Variants in SYT8 observed in about 807,000 individuals in gnomAD.
SYT8 encodes the protein synaptotagmin-8.
In SYT8, 50 loss-of-function variants were observed where a neutral mutation model predicts 34.9. The observed-to-expected ratio is 1.43, with a 90% confidence interval of 1.14 to 1.81. The LOEUF is 1.81. Among genes scored for constraint, SYT8 ranks in the 40% most tolerant of loss-of-function variants. SYT8 has a pLI of 0.00. For synonymous variants in SYT8, 255 were observed against 234.2 expected (o/e 1.09, Z -0.81); for missense variants, 595 against 529.0 (o/e 1.12, Z -1.22).
Position 1,837,475 on chromosome 11 carries a change from C to T in SYT8, c.*44C>T. 6.3e-7 allele frequency: 1 copy of T among 1,591,096 alleles called. No individual in the cohort carries two copies. The highest frequency in any genetic ancestry group is 2.2e-5 in the East Asian group (1 of 44,470). The stretch of plus-strand genomic sequence containing the variant: ...TCTCCCCGCTGAGCCCAGGCACTTG[C>T]CCAGGCCGCCCTGCAGGACCACTGC... On this transcript the variant is annotated 3_prime_UTR_variant, in exon 8 of 8. Transcript: ENST00000341958.
chr11:1,835,299 C>A lies in SYT8; in HGVS notation c.98C>A (p.Pro33His). The A allele has an allele frequency of 1.3e-6, 2 of 1,599,304 alleles. No individual in the cohort carries two copies. The highest frequency in any genetic ancestry group is 2.2e-5 in the South Asian group (2 of 90,022). Residue 33 changes from proline (P) to histidine (H), a missense_variant, in exon 2 of 8, where the codon CCC (proline) becomes CAC (histidine). Transcript: ENST00000341958. ...IPDLVAGTPW[P>H]RWALIAGALA... Reference sequence around the variant, plus strand: ...CTCAGCCTGGCCTCTACCCCAGGGCCCCGCTGGGCTCTCATTGCCGGCGCC... The same window carrying A: ...CTCAGCCTGGCCTCTACCCCAGGGCACCGCTGGGCTCTCATTGCCGGCGCC...
At chr11:1,836,040 C>CG (rs1204050634) in intron 3 of SYT8, 56 bp downstream of exon 3, 1 of 1,584,860 alleles carries the variant, frequency 6.3e-7, no homozygotes, top group East Asian at 2.3e-5. Context: ...GAAAGGGTGA[C>CG]GGGGGAAGGG....
upstream of SYT8, chr11:1,833,815 CGT>C (rs3837417): frequency 0.21 from 30,066 of 141,352 alleles, 3,346 homozygotes; most frequent in Non-Finnish European, 0.26. Context: ...TGTGCGCGTG[CGT>C]GTGTGTGTGT....
Position 1,837,376 on chromosome 11 carries a change from G to A in SYT8, c.1109G>A (p.Arg370His), listed in dbSNP as rs1381091834. 16 of 1,599,120 alleles carry A rather than the reference G, an allele frequency of 1.0e-5. No individual in the cohort carries two copies. The Admixed American group carries it at 1.5e-4, about 15-fold the overall frequency. Residue 370 changes from arginine to histidine, a missense_variant, in exon 8 of 8, where the codon CGC becomes CAC. Arg to His is a conservative substitution (Grantham distance 29). Transcript: ENST00000341958. Reference protein sequence around the residue: ...HPLRPAREVDRMLALQPRLRL... With the variant: ...HPLRPAREVDHMLALQPRLRL... ...CTGCGGCCAGCCAGGGAGGTGGACC[G>A]CATGCTGGCCCTGCAGCCCCGCCTT...
chr11:1,835,477 G>T lies in SYT8; in HGVS notation c.258+18G>T. Reference sequence around the variant, plus strand: ...CCCACCTGGTGAGGAGCGGCTCCTTGCTCACTCAGTCCAGAGAGGGCTTGA... The same window carrying T: ...CCCACCTGGTGAGGAGCGGCTCCTTTCTCACTCAGTCCAGAGAGGGCTTGA... On this transcript the variant is annotated intron_variant, in intron 2 of 7. Coordinates refer to ENST00000341958, the MANE Select transcript of SYT8 (RefSeq NM_001394072.1). 1 of 1,607,618 alleles carries T rather than the reference G, an allele frequency of 6.2e-7. No individual in the cohort carries two copies.
chr11:1,836,333 T>C (rs1470894503), intron 4 of SYT8, 49 bp downstream of exon 4: 1 of 1,466,674 alleles, frequency 6.8e-7, no homozygotes, highest in South Asian at 1.4e-5. Context: ...TGGATGGGCC[T>C]GGGCTGGGTG....
Position 1,836,842 on chromosome 11 carries a change from C to A in SYT8, c.771C>A (p.Gly257=). 6.2e-7 allele frequency: 1 copy of A among 1,611,806 alleles called. No individual in the cohort carries two copies. Among genetic ancestry groups the A allele is most frequent in the Non-Finnish European group, 8.5e-7 (1 of 1,179,952 alleles). Residue 257 remains glycine, a synonymous_variant, in exon 6 of 8, where the codon GGC becomes GGA. Coordinates refer to ENST00000341958, the MANE Select transcript of SYT8 (RefSeq NM_001394072.1). ...CCGTGGTGGTGCTGGAGGCTCGAGG[C>A]CTGCGTCCAGGACTTGCAGGTGAGG... ...RLTVVVLEAR[G]LRPGLAEPYV...
Position 1,836,253 on chromosome 11 carries a change from GC to G in SYT8, c.489del (p.Val164CysfsTer85). 1 of 1,576,416 alleles carries G rather than the reference GC, an allele frequency of 6.3e-7. No individual in the cohort carries two copies. The highest frequency in any genetic ancestry group is 8.6e-7 in the Non-Finnish European group (1 of 1,163,926). ...ACAAAAGTGCACCGAGGCACGCTCTGCCCCGTGTTTGACGAGACCTGCTGCT... is the reference window on the plus strand; with the variant it reads ...ACAAAAGTGCACCGAGGCACGCTCTGCCCGTGTTTGACGAGACCTGCTGCT... Reference protein sequence around the residue: ...HETKVHRGTLCPVFDETCCFH... With the variant: ...HETKVHRGTLXPVFDETCCFH... On this transcript the variant is annotated frameshift_variant, in exon 4 of 8. Coordinates refer to ENST00000341958, the MANE Select transcript of SYT8 (RefSeq NM_001394072.1). LOFTEE classifies it high-confidence loss of function.
rs201288743 is a variant in SYT8, at chr11:1,837,408, C to A, written c.1141C>A (p.Arg381Ser). 3.7e-6 allele frequency: 6 copies of A among 1,605,190 alleles called. No homozygotes were observed. The Admixed American group carries it at 1.0e-4, about 27-fold the overall frequency. ...MLALQPRLRL[R>S]LPLPHS ...GGCCCTGCAGCCCCGCCTTCGCCTG[C>A]GCCTGCCCTTGCCCCACTCCTGAAT... Residue 381 changes from arginine (R) to serine (S), a missense_variant, in exon 8 of 8, where the codon CGC (arginine) becomes AGC (serine). Transcript: ENST00000341958.
chr11:1,833,438 G>C (rs1358775735), upstream of SYT8, among the ~76,000 whole-genome samples: 1 of 152,208 alleles, frequency 6.6e-6, no homozygotes, highest in Non-Finnish European at 1.5e-5. Context: ...ACCAAGCAGG[G>C]ACCCCTCTGA....
upstream of SYT8, chr11:1,834,319 C>A: frequency 5.5e-6 from 3 of 543,106 alleles, no homozygotes; most frequent in Admixed American, 3.6e-5. The surrounding 1 kb of genome is among the most constrained non-coding windows in gnomAD (Gnocchi z 4.5). Context: ...GGTGGCCAGG[C>A]AGGCAGGTGG....
Position 1,836,971 on chromosome 11 carries a change from GT to G in SYT8, c.806del (p.Val269AlafsTer5), listed in dbSNP as rs1468185820. 2 of 1,613,716 alleles carry G rather than the reference GT, an allele frequency of 1.2e-6. No individual in the cohort carries two copies. The highest frequency in any genetic ancestry group is 1.7e-6 in the Non-Finnish European group (2 of 1,180,028). ...RPGLAEPYVKVQLMLNQRKWK... is the reference protein window; with the variant it reads ...RPGLAEPYVKXQLMLNQRKWK... ...TGCCCTCCCAGAGCCCTACGTGAAGGTCCAGCTCATGCTGAACCAGAGGAAG... is the reference window on the plus strand; with the variant it reads ...TGCCCTCCCAGAGCCCTACGTGAAGGCCAGCTCATGCTGAACCAGAGGAAG... On this transcript the variant is annotated frameshift_variant, in exon 7 of 8. Coordinates refer to ENST00000341958, the MANE Select transcript of SYT8 (RefSeq NM_001394072.1). LOFTEE classifies it high-confidence loss of function.
chr11:1,837,437 C>T lies in SYT8; in HGVS notation c.*6C>T. On this transcript the variant is annotated 3_prime_UTR_variant, in exon 8 of 8. Transcript: ENST00000341958. ...TGCCCTTGCCCCACTCCTGAATGCA[C>T]CACATGCCTCTGTCTCCCCGCTGAG... The T allele has an allele frequency of 6.2e-7, 1 of 1,604,970 alleles. No homozygotes were observed. The highest frequency in any genetic ancestry group is 2.2e-5 in the East Asian group (1 of 44,810).
chr11:1,835,776 C>A, intron 2 of SYT8, 110 bp from the exon 3 acceptor site: 1 of 974,252 alleles, frequency 1.0e-6, no homozygotes, highest in Non-Finnish European at 1.6e-6. Context: ...GGTGGCCTGG[C>A]CTGGAGGCGG....
upstream of SYT8, chr11:1,834,944 C>G: frequency 1.4e-6 from 1 of 700,508 alleles, no homozygotes; most frequent in Non-Finnish European, 2.4e-6. This position sits in a 1 kb window ranked among gnomAD's most constrained non-coding sequence, Gnocchi z 4.5. Context: ...TCCTGCTGCA[C>G]AGAACCCTCG....
Position 1,835,361 on chromosome 11 carries a change from T to C in SYT8, c.160T>C (p.Cys54Arg), listed in dbSNP as rs372163157. 1.9e-6 allele frequency: 3 copies of C among 1,606,336 alleles called. No individual in the cohort carries two copies. Among genetic ancestry groups the C allele is most frequent in the African/African-American group, 2.7e-5 (2 of 74,908 alleles). Residue 54 changes from cysteine (C) to arginine (R), a missense_variant, in exon 2 of 8, where the codon TGT (cysteine) becomes CGT (arginine). Transcript: ENST00000341958. ...AGVLLVSCLL[C>R]AACCCCRRHR... ...CGTCCTCCTCGTCTCCTGCCTCCTC[T>C]GTGCTGCCTGCTGCTGCTGCCGCCG...
rs746987179 is a variant in SYT8, at chr11:1,836,196, G to T, written c.428G>T (p.Ser143Ile). 16 of 1,582,244 alleles carry T rather than the reference G, an allele frequency of 1.0e-5. No homozygotes were observed. The highest frequency in any genetic ancestry group is 1.3e-5 in the Non-Finnish European group (15 of 1,165,958). The change falls in exon 4 of 8, where the codon AGC becomes ATC. Residue 143 changes from serine (S) to isoleucine (I), a missense_variant. Physicochemically the swap from Ser to Ile is moderately radical, Grantham distance 142. Coordinates refer to ENST00000341958, the MANE Select transcript of SYT8 (RefSeq NM_001394072.1). ...GGTVDPYARV[S>I]VSTQAGHRHE... Reference sequence around the variant, plus strand: ...ACCGTGGACCCCTATGCCCGGGTCAGCGTCTCCACCCAGGCCGGACACAGA... The same window carrying T: ...ACCGTGGACCCCTATGCCCGGGTCATCGTCTCCACCCAGGCCGGACACAGA...
Position 1,835,378 on chromosome 11 carries a change from C to T in SYT8, c.177C>T (p.Cys59=), listed in dbSNP as rs780958307. The T allele has an allele frequency of 1.9e-6, 3 of 1,607,270 alleles. No individual in the cohort carries two copies. Among genetic ancestry groups the T allele is most frequent in the African/African-American group, 1.3e-5 (1 of 75,028 alleles). Residue 59 remains cysteine (C), a synonymous_variant, in exon 2 of 8, where the codon TGC becomes TGT. Transcript: ENST00000341958. ...GCCTCCTCTGTGCTGCCTGCTGCTG[C>T]TGCCGCCGCCACAGGAAGAAGCCCA... ...VSCLLCAACC[C]CRRHRKKPRD...
At position 1,837,249 on chromosome 11, in the gene SYT8, G is replaced by A. The variant is rs138799724; in HGVS notation, c.982G>A (p.Val328Ile). Reference sequence around the variant, plus strand: ...CAGCCTGCCGCTCCGAACTGAGCCCGTAGGCAAGGTGCACCTGGGTGCCCG... The same window carrying A: ...CAGCCTGCCGCTCCGAACTGAGCCCATAGGCAAGGTGCACCTGGGTGCCCG... The part of the protein sequence containing the change: ...DRSLPLRTEP[V>I]GKVHLGARAS... The change falls in exon 8 of 8, where the codon GTA becomes ATA. Residue 328 changes from valine to isoleucine, a missense_variant. Coordinates refer to ENST00000341958, the MANE Select transcript of SYT8 (RefSeq NM_001394072.1). 3,275 of 1,582,346 alleles carry A rather than the reference G, an allele frequency of 2.1e-3. 5 individuals are homozygous for A. The highest frequency in any genetic ancestry group is 2.6e-3 in the Non-Finnish European group (3,089 of 1,167,404).
Sources: gnomAD v4.1 joint callset for allele counts (sites outside exome capture counted in the v4.1 genomes callset) on GRCh38, gnomAD v4.1.1 for gene constraint, Gnocchi (gnomAD v3.1) non-coding constraint, MANE v1.5 for transcripts, NCBI Gene and HGNC (gene_info 2026-07-23, HGNC 2026-07-21) for gene names.